ST6GALNAC3: variants seen among roughly 807,000 people sequenced by gnomAD.
The protein encoded by ST6GALNAC3 is alpha-N-acetylgalactosaminide alpha-2,6-sialyltransferase 3.
A neutral mutation model predicts 32.7 loss-of-function variants in ST6GALNAC3; 25 were observed. That is an observed-to-expected ratio of 0.76 (90% CI 0.56 to 1.07). The LOEUF (loss-of-function observed/expected upper bound fraction) is 1.07, where lower values mean the gene tolerates loss of function less well. ST6GALNAC3 is among the 50% of genes least tolerant of loss of function. The probability of loss-of-function intolerance (pLI) is 0.00; values close to 1 mark genes in which losing one functional copy is unlikely to be tolerated. For missense variants in ST6GALNAC3, 355 were observed against 382.4 expected (o/e 0.93, Z 0.60); for synonymous variants, 129 against 133.1 (o/e 0.97, Z 0.21).
At chr1:76,561,184 G>A (rs1412340021) in intron 3 of ST6GALNAC3, among the ~76,000 whole-genome samples, 1 of 152,150 alleles carries the variant, frequency 6.6e-6, no homozygotes, top group African/African-American at 2.4e-5. Context: ...AGAGTAGAAC[G>A]ATGGTTACCA....
intron 3 of ST6GALNAC3, among the ~76,000 whole-genome samples, chr1:76,540,803 A>G (rs997838154): frequency 2.0e-5 from 3 of 152,208 alleles, no homozygotes; most frequent in Admixed American, 1.3e-4. Flanking sequence ...ACAAATCACA[A>G]AAGTGCCTAT....
At chr1:76,411,029 G>A (rs1654200741) in intron 2 of ST6GALNAC3, among the ~76,000 whole-genome samples, 1 of 152,086 alleles carries the variant, frequency 6.6e-6, no homozygotes, top group Non-Finnish European at 1.5e-5. Context: ...GCAAAATGTG[G>A]AATCTCATAG....
intron 1 of ST6GALNAC3, among the ~76,000 whole-genome samples, chr1:76,117,139 A>G (rs918772092): frequency 6.6e-6 from 1 of 152,162 alleles, no homozygotes. Flanking sequence ...CTAATGTAAA[A>G]TTATTTTCTC....
At chr1:76,507,351 C>G (rs902339016) in intron 3 of ST6GALNAC3, among the ~76,000 whole-genome samples, 8 of 151,984 alleles carry the variant, frequency 5.3e-5, no homozygotes, top group African/African-American at 9.7e-5. Flanking sequence ...TTAGTATATT[C>G]AGAGTTGTGC....
At chr1:76,516,580 A>G (rs974459032) in intron 3 of ST6GALNAC3, among the ~76,000 whole-genome samples, 1 of 152,178 alleles carries the variant, frequency 6.6e-6, no homozygotes, top group Non-Finnish European at 1.5e-5. Context: ...GATAGCTTCA[A>G]AAAGAACTGT....
At position 76,340,363 on chromosome 1, in the gene ST6GALNAC3, C is replaced by T. The variant is rs563973474; in HGVS notation, c.213+26364C>T. 3.9e-5 allele frequency among the ~76,000 whole-genome samples: 6 copies of T among 152,328 alleles called. No homozygotes were observed. In the South Asian group the frequency reaches 1.2e-3, roughly 32 times the overall value. On this transcript the variant is annotated intron_variant, in intron 2 of 4. Transcript: ENST00000328299. ...ATGTGTGTCCTTCACAGTGGCAAAC[C>T]TTCAAGGGGCAGGGACATCATTGCT...
At chr1:76,322,103 A>G (rs1441071308) in intron 2 of ST6GALNAC3, among the ~76,000 whole-genome samples, 2 of 152,188 alleles carry the variant, frequency 1.3e-5, no homozygotes, top group South Asian at 2.1e-4. Flanking sequence ...TAGAAATTCA[A>G]CTATCAAATT....
At chr1:76,582,175 A>G (rs1221358421) in intron 3 of ST6GALNAC3, among the ~76,000 whole-genome samples, 3 of 152,136 alleles carry the variant, frequency 2.0e-5, no homozygotes, top group African/African-American at 7.2e-5. Flanking sequence ...CGTGCAGATG[A>G]ATGATGGTGC....
At chr1:76,475,581 G>A (rs891795386) in intron 3 of ST6GALNAC3, among the ~76,000 whole-genome samples, 4 of 152,120 alleles carry the variant, frequency 2.6e-5, no homozygotes, top group African/African-American at 9.7e-5. Context: ...GGATTAAAAT[G>A]TAACAAATGT....
chr1:76,582,255 A>T (rs1422667644), intron 3 of ST6GALNAC3, among the ~76,000 whole-genome samples: 3 of 152,196 alleles, frequency 2.0e-5, no homozygotes, highest in African/African-American at 4.8e-5. Flanking sequence ...GACACAATGG[A>T]TATAAATGAA....
At chr1:76,487,776 G>T (rs1224274780) in intron 3 of ST6GALNAC3, among the ~76,000 whole-genome samples, 1 of 152,202 alleles carries the variant, frequency 6.6e-6, no homozygotes, top group Admixed American at 6.5e-5. Context: ...GCGAGGAGCT[G>T]TGTTACTTTG....
chr1:76,117,620 C>T (rs973899107), intron 1 of ST6GALNAC3, among the ~76,000 whole-genome samples: 5 of 152,318 alleles, frequency 3.3e-5, no homozygotes, highest in Admixed American at 6.5e-5. Context: ...AGCTCTGAGC[C>T]TGCTAATTCA....
At chr1:76,487,565 T>G (rs1660207180) in intron 3 of ST6GALNAC3, among the ~76,000 whole-genome samples, 1 of 152,222 alleles carries the variant, frequency 6.6e-6, no homozygotes, top group South Asian at 2.1e-4. Context: ...GTGCCATGGT[T>G]TTCAGCTCCA....
At chr1:76,095,811 C>G (rs1277650208) in intron 1 of ST6GALNAC3, among the ~76,000 whole-genome samples, 2 of 152,190 alleles carry the variant, frequency 1.3e-5, no homozygotes, top group African/African-American at 2.4e-5. Flanking sequence ...CCTCCCTCAT[C>G]TCCACTCCCT....
At chr1:76,117,241 G>A (rs932098865) in intron 1 of ST6GALNAC3, among the ~76,000 whole-genome samples, 2 of 152,178 alleles carry the variant, frequency 1.3e-5, no homozygotes, top group African/African-American at 4.8e-5. Flanking sequence ...TTAATTCATG[G>A]AAAGTCAATT....
intron 3 of ST6GALNAC3, among the ~76,000 whole-genome samples, chr1:76,447,605 G>A (rs367613869): frequency 5.9e-5 from 9 of 152,086 alleles, no homozygotes; most frequent in South Asian, 2.1e-4. Flanking sequence ...AGATGGTTTC[G>A]TGGGCCAGGC....
rs1647192351 is a variant in ST6GALNAC3, at chr1:76,100,033, AAAATT to A, written c.18+25155_18+25159del. On this transcript the variant is annotated intron_variant, in intron 1 of 4. Coordinates refer to ENST00000328299, the MANE Select transcript of ST6GALNAC3 (RefSeq NM_152996.4). ...GTATTTATGATACAATGGAAATTAA[AAAATT>A]AAATTTAATTTTGTTTATAGCTGGT... Among the ~76,000 whole-genome samples the A allele has an allele frequency of 2.0e-5, 3 of 152,282 alleles. No individual in the cohort carries two copies. The South Asian group carries it at 6.2e-4, about 32-fold the overall frequency.
chr1:76,184,011 G>A (rs1653371350), intron 1 of ST6GALNAC3, among the ~76,000 whole-genome samples: 1 of 151,500 alleles, frequency 6.6e-6, no homozygotes, highest in Non-Finnish European at 1.5e-5. Context: ...AGTCTATCTT[G>A]TTTCTTCTTG....
intron 3 of ST6GALNAC3, chr1:76,577,347 C>G: frequency 1.0e-6 from 1 of 986,306 alleles, no homozygotes; most frequent in South Asian, 4.7e-5. Context: ...GGAAGGTAAC[C>G]TTTACCAAGA....
Sources: gnomAD v4.1 joint callset for allele counts (sites outside exome capture counted in the v4.1 genomes callset) on GRCh38, gnomAD v4.1.1 for gene constraint, MANE v1.5 for transcripts, NCBI Gene and HGNC (gene_info 2026-07-23, HGNC 2026-07-21) for gene names.